Variants in SPATA18 observed in about 807,000 individuals in gnomAD.
SPATA18 encodes the protein mitochondria-eating protein.
In SPATA18, 54 loss-of-function variants were observed where a neutral mutation model predicts 68.1. The ratio of observed to expected loss-of-function variants is 0.79; its 90% CI spans 0.64 to 0.99. The LOEUF (loss-of-function observed/expected upper bound fraction) is 0.99, where lower values mean the gene tolerates loss of function less well. Ranked by LOEUF, SPATA18 falls within the 50% of genes least tolerant of loss-of-function variation. The pLI is 0.00. For missense variants in SPATA18, 724 were observed against 681.1 expected (o/e 1.06, Z -0.70); for synonymous variants, 242 against 244.8 (o/e 0.99, Z 0.11).
In SPATA18 at chr4:52,060,836, A is replaced by T. The variant is rs767906815; in HGVS notation, c.248A>T (p.Glu83Val). The change falls in exon 3 of 13, where the codon GAG becomes GTG. Residue 83 changes from glutamate to valine, a missense_variant. Glu to Val is a moderately radical substitution (Grantham distance 121). Transcript: ENST00000295213. ...AAGTCACGCCTTTTGCCTTGGCTGG[A>T]GGCTTCCTTTACTGCTGCTTCCCTG... ...TIKSRLLPWLEASFTAASLGK... is the reference protein window; with the variant it reads ...TIKSRLLPWLVASFTAASLGK... 2.5e-6 allele frequency: 4 copies of T among 1,613,884 alleles called. No individual in the cohort carries two copies. Among genetic ancestry groups the T allele is most frequent in the Non-Finnish European group, 2.5e-6 (3 of 1,179,960 alleles).
chr4:52,076,890 C>CT lies in SPATA18; in HGVS notation c.871dup (p.Ser291PhefsTer39), dbSNP rs1479972028. ...AGGTCAGGAGACCGTCCCCAAACCG[C>CT]TCCAAGCTGTCCAATGTGGCGCGCA... is the stretch of plus-strand genomic sequence containing the variant. On this transcript the variant is annotated frameshift_variant, in exon 7 of 13. Coordinates refer to ENST00000295213, the MANE Select transcript of SPATA18 (RefSeq NM_145263.4). LOFTEE classifies it high-confidence loss of function. 2 of 1,614,116 alleles carry CT rather than the reference C, an allele frequency of 1.2e-6. No homozygotes were observed. The highest frequency in any genetic ancestry group is 1.7e-6 in the Non-Finnish European group (2 of 1,180,054).
At position 52,095,331 on chromosome 4, in the gene SPATA18, C is replaced by T. The variant is rs1742336500; in HGVS notation, c.*444C>T. 2 of 170,328 alleles carry T rather than the reference C, an allele frequency of 1.2e-5. No homozygotes were observed. The highest frequency in any genetic ancestry group is 2.5e-5 in the Non-Finnish European group (2 of 80,156). 10.6% of individuals were successfully genotyped at this position (170,328 alleles called of 1,614,324 possible). A position where few individuals can be genotyped will look rare whatever the true frequency, so the allele number is the denominator to read the frequency against. The stretch of plus-strand genomic sequence containing the variant: ...GTTGGTATCAGCTTTAGCTCAAAAC[C>T]AATATTAGGTGTTTTAATTTCCTTT... On this transcript the variant is annotated 3_prime_UTR_variant, in exon 13 of 13. Coordinates refer to ENST00000295213, the MANE Select transcript of SPATA18 (RefSeq NM_145263.4).
Position 52,080,398 on chromosome 4 carries a change from C to G in SPATA18, c.1355+479C>G, listed in dbSNP as rs930903125. 2.1e-4 allele frequency among the ~76,000 whole-genome samples: 32 copies of G among 152,288 alleles called. 1 individual carries two copies. Among genetic ancestry groups the G allele is most frequent in the Admixed American group, 2.0e-3 (31 of 15,304 alleles). ...AGCACCCAGGTGTTCCTTGTGCACACTAATGTTTGAAAATTAATGCTCTTG... is the reference window on the plus strand; with the variant it reads ...AGCACCCAGGTGTTCCTTGTGCACAGTAATGTTTGAAAATTAATGCTCTTG... On this transcript the variant is annotated intron_variant, in intron 9 of 12. Coordinates refer to ENST00000295213, the MANE Select transcript of SPATA18 (RefSeq NM_145263.4).
At chr4:52,063,902 C>T (rs138516414) in intron 4 of SPATA18, among the ~76,000 whole-genome samples, 1 of 152,234 alleles carries the variant, frequency 6.6e-6, no homozygotes, top group East Asian at 1.9e-4. Flanking sequence ...CCATTTTCCT[C>T]TAGTTGTGAG....
chr4:52,064,137 T>C (rs1739122594), intron 4 of SPATA18, among the ~76,000 whole-genome samples: 1 of 151,982 alleles, frequency 6.6e-6, no homozygotes, highest in African/African-American at 2.4e-5. Flanking sequence ...CCCTTTCATA[T>C]GCCTTTTGCC....
intron 6 of SPATA18, among the ~76,000 whole-genome samples, chr4:52,075,726 T>C (rs951519767): frequency 1.3e-5 from 2 of 152,210 alleles, no homozygotes; most frequent in Non-Finnish European, 2.9e-5. Flanking sequence ...CATCTGCCCC[T>C]GCCTCTCTTT....
chr4:52,081,898 G>T (rs1489343718), intron 9 of SPATA18, among the ~76,000 whole-genome samples: 1 of 15,330 alleles, frequency 6.5e-5, no homozygotes, highest in African/African-American at 7.1e-5. Flanking sequence ...TCATAAACAT[G>T]ATGACTTATC....
chr4:52,052,180 T>C (rs895887038), intron 1 of SPATA18, among the ~76,000 whole-genome samples: 1 of 152,176 alleles, frequency 6.6e-6, no homozygotes, highest in African/African-American at 2.4e-5. Context: ...ACCGCCTGCT[T>C]CCCCAATCCC....
At chr4:52,093,441 A>G (rs1268931475) in intron 11 of SPATA18, among the ~76,000 whole-genome samples, 1 of 152,178 alleles carries the variant, frequency 6.6e-6, no homozygotes, top group Non-Finnish European at 1.5e-5. Flanking sequence ...TGATAGGGAA[A>G]TGGAAAAGTC....
chr4:52,069,795 T>A (rs1362902684), intron 4 of SPATA18, 26 bp from the exon 5 acceptor site: 1 of 1,512,948 alleles, frequency 6.6e-7, no homozygotes, highest in East Asian at 2.3e-5. Context: ...GAAAAATCTA[T>A]CTTTAGTTAC....
chr4:52,067,152 G>A (rs528595234), intron 4 of SPATA18, among the ~76,000 whole-genome samples: 17 of 152,136 alleles, frequency 1.1e-4, no homozygotes, highest in South Asian at 1.0e-3. Context: ...TTGCAGCCTC[G>A]CCAGCATCTG....
chr4:52,072,220 G>A (rs1739923861), intron 6 of SPATA18, 64 bp downstream of exon 6: 1 of 1,570,618 alleles, frequency 6.4e-7, no homozygotes, highest in East Asian at 2.2e-5. Context: ...GGATCGGGGA[G>A]GAGGAAATAA....
At position 52,076,827 on chromosome 4, in the gene SPATA18, C is replaced by T. The variant is rs748064109; in HGVS notation, c.807C>T (p.Cys269=). Residue 269 remains cysteine, a synonymous_variant, in exon 7 of 13, where the codon TGC becomes TGT. Transcript: ENST00000295213. ...GCCCTGCCCCTCGCAGCCGTAGCTGCAGCCGCAGCAGATCTGCCAGCCCCT... is the reference window on the plus strand; with the variant it reads ...GCCCTGCCCCTCGCAGCCGTAGCTGTAGCCGCAGCAGATCTGCCAGCCCCT... ...SPSPAPRSRS[C]SRSRSASPST... The T allele has an allele frequency of 6.2e-7, 1 of 1,614,010 alleles. No homozygotes were observed.
rs780788381 is a variant in SPATA18 at position 52,076,978 on chromosome 4, C to G, written c.958C>G (p.Leu320Val). ...YSQARLDAQC[L>V]LRRCIDKAET... ...CCAGGCCCGCCTGGACGCGCAGTGC[C>G]TGCTGCGGCGCTGCATCGACAAGGC... is the stretch of plus-strand genomic sequence containing the variant. Residue 320 changes from leucine (L) to valine (V), a missense_variant, in exon 7 of 13, where the codon CTG becomes GTG. Leu to Val is a conservative substitution (Grantham distance 32, BLOSUM62 1). Coordinates refer to ENST00000295213, the MANE Select transcript of SPATA18 (RefSeq NM_145263.4). 6.2e-7 allele frequency: 1 copy of G among 1,613,822 alleles called. No homozygotes were observed. The highest frequency in any genetic ancestry group is 8.5e-7 in the Non-Finnish European group (1 of 1,179,898).
intron 1 of SPATA18, 129 bp downstream of exon 1, chr4:52,051,920 G>C: frequency 1.3e-6 from 1 of 797,760 alleles, no homozygotes; most frequent in East Asian, 2.6e-5. Flanking sequence ...TTCCTAACCA[G>C]GATCTCAGCT....
At chr4:52,061,036 T>C (rs1218885774) in intron 3 of SPATA18, 139 bp downstream of exon 3, 2 of 692,414 alleles carry the variant, frequency 2.9e-6, no homozygotes, top group African/African-American at 1.8e-5. Flanking sequence ...GTGGTTTCCA[T>C]GGGACGGTGT....
chr4:52,082,420 T>C lies in SPATA18; in HGVS notation c.1389T>C (p.Ala463=), dbSNP rs752564973. ...GCAGCTACGACTCGGATTTCACTGCTCCCTTAGTCCTCTATCACGTGTGGC... is the reference window on the plus strand; with the variant it reads ...GCAGCTACGACTCGGATTTCACTGCCCCCTTAGTCCTCTATCACGTGTGGC... ...YRRSYDSDFT[A]PLVLYHVWPA... Residue 463 remains alanine, a synonymous_variant, in exon 10 of 13, where the codon GCT becomes GCC. Coordinates refer to ENST00000295213, the MANE Select transcript of SPATA18 (RefSeq NM_145263.4). The C allele has an allele frequency of 5.0e-6, 8 of 1,614,088 alleles. No individual in the cohort carries two copies. Among genetic ancestry groups the C allele is most frequent in the Non-Finnish European group, 6.8e-6 (8 of 1,179,974 alleles).
intron 4 of SPATA18, among the ~76,000 whole-genome samples, chr4:52,065,333 T>C (rs1458756743): frequency 6.6e-6 from 1 of 152,184 alleles, no homozygotes; most frequent in Non-Finnish European, 1.5e-5. Flanking sequence ...TTTGTTGCAT[T>C]TGCTTTTGGG....
At chr4:52,060,941 A>G (rs1273653105) in intron 3 of SPATA18, 44 bp downstream of exon 3, 6 of 1,507,026 alleles carry the variant, frequency 4.0e-6, no homozygotes, top group Non-Finnish European at 4.6e-6. Flanking sequence ...GAACAGTGAG[A>G]TAAAACGAAT....
Sources: gnomAD v4.1 joint callset for allele counts (sites outside exome capture counted in the v4.1 genomes callset) on GRCh38, gnomAD v4.1.1 for gene constraint, MANE v1.5 for transcripts, NCBI Gene and HGNC (gene_info 2026-07-23, HGNC 2026-07-21) for gene names.